Variants in SEMA4D observed in about 807,000 individuals in gnomAD.
SEMA4D encodes semaphorin-4D.
SEMA4D carries 22 observed loss-of-function variants against 74.8 expected under a neutral mutation model. That is an observed-to-expected ratio of 0.29 (90% CI 0.21 to 0.42). The LOEUF is 0.42. Ranked by LOEUF, SEMA4D falls within the 10% of genes least tolerant of loss-of-function variation. The pLI is 1.00. For missense variants in SEMA4D, 937 were observed against 1,118.4 expected, an observed-to-expected ratio of 0.84 and a Z score of 2.31; for synonymous variants, 445 against 463.7, an observed-to-expected ratio of 0.96 and a Z score of 0.52.
intron 2 of SEMA4D, among the ~76,000 whole-genome samples, chr9:89,454,084 A>C (rs1588016352): frequency 6.6e-6 from 1 of 152,052 alleles, no homozygotes; most frequent in Non-Finnish European, 1.5e-5. Context: ...GTCTCGATAG[A>C]ATATATGACT....
chr9:89,374,908 C>G (rs921557307), downstream of SEMA4D, among the ~76,000 whole-genome samples: 1 of 152,146 alleles, frequency 6.6e-6, no homozygotes, highest in African/African-American at 2.4e-5. Flanking sequence ...CAAAAATTAG[C>G]TGGGCATGGT....
chr9:89,467,919 G>C (rs1042226704), intron 1 of SEMA4D, among the ~76,000 whole-genome samples: 13 of 152,236 alleles, frequency 8.5e-5, no homozygotes, highest in African/African-American at 3.1e-4. Flanking sequence ...CAGGCTTGGA[G>C]AGCAGCCCTC....
intron 5 of SEMA4D, 88 bp downstream of exon 5, chr9:89,399,188 T>G (rs1381442906): frequency 1.8e-6 from 2 of 1,135,274 alleles, no homozygotes; most frequent in Admixed American, 1.7e-5. Flanking sequence ...AAGGCTGGCC[T>G]GCACTGCAGG....
intron 1 of SEMA4D, among the ~76,000 whole-genome samples, chr9:89,480,343 C>T (rs28764789): frequency 0.011 from 1,729 of 152,374 alleles, 36 homozygotes; most frequent in African/African-American, 0.04. Context: ...CTCAGGAGCC[C>T]AGCTGGTTTC....
chr9:89,385,607 T>TGAC (rs1006579796), intron 13 of SEMA4D: 18 of 979,430 alleles, frequency 1.8e-5, no homozygotes, highest in Non-Finnish European at 1.9e-5. Context: ...AGAGGGGAGG[T>TGAC]GACCACGTAA....
chr9:89,491,899 G>C (rs574970341), intron 1 of SEMA4D, among the ~76,000 whole-genome samples: 1 of 152,080 alleles, frequency 6.6e-6, no homozygotes, highest in Non-Finnish European at 1.5e-5. Flanking sequence ...AGCACACACC[G>C]AGAGTCAACA....
chr9:89,459,870 A>G (rs1856820649), intron 1 of SEMA4D, among the ~76,000 whole-genome samples: 1 of 152,198 alleles, frequency 6.6e-6, no homozygotes, highest in African/African-American at 2.4e-5. Flanking sequence ...CAGTTACTAA[A>G]TAACACACCC....
At chr9:89,449,073 GGA>G (rs1455301460) in intron 2 of SEMA4D, among the ~76,000 whole-genome samples, 1 of 152,132 alleles carries the variant, frequency 6.6e-6, no homozygotes, top group East Asian at 1.9e-4. Context: ...AGAAAACAAG[GGA>G]GACACAAGCC....
At chr9:89,372,946 T>A (rs1228670561), downstream of SEMA4D, among the ~76,000 whole-genome samples, 4 of 152,096 alleles carry the variant, frequency 2.6e-5, no homozygotes, top group Admixed American at 2.6e-4. Flanking sequence ...ATAATTCCAC[T>A]TCCTAGAGGC....
chr9:89,418,567 G>T, intron 2 of SEMA4D: 1 of 294,276 alleles, frequency 3.4e-6, no homozygotes, highest in Non-Finnish European at 5.0e-6. Context: ...CTAAAGAGCT[G>T]TTCATCTTCC....
intron 2 of SEMA4D, chr9:89,449,910 A>C (rs1853937605): frequency 6.9e-7 from 1 of 1,439,910 alleles, no homozygotes; most frequent in Admixed American, 1.7e-5. Context: ...GAATGGCTTC[A>C]TCACTAATGT....
rs1174908930 is a variant in SEMA4D, at chr9:89,378,052, T to A, written c.*652A>T. On this transcript the variant is annotated 3_prime_UTR_variant, in exon 16 of 16. Transcript: ENST00000422704. ...CATTTCTAAAAGCAGAAAGAATGCA[T>A]TTAGCAAAAGGAAGTTTATCCCTGA... 2 of 152,180 alleles carry A rather than the reference T, an allele frequency of 1.3e-5. No individual in the cohort carries two copies. The highest frequency in any genetic ancestry group is 4.8e-5 in the African/African-American group (2 of 41,302). The allele number at this position is 152,180 out of a possible 1,614,324, so 9.4% of individuals were successfully genotyped here.
At chr9:89,406,390 C>G (rs2133793949) in intron 2 of SEMA4D, among the ~76,000 whole-genome samples, 1 of 152,354 alleles carries the variant, frequency 6.6e-6, no homozygotes. Flanking sequence ...CAGTAAGAAA[C>G]AGCCCTTAGT....
chr9:89,430,417 T>A (rs1274580633), intron 2 of SEMA4D, among the ~76,000 whole-genome samples: 1 of 152,058 alleles, frequency 6.6e-6, no homozygotes, highest in African/African-American at 2.4e-5. Context: ...TAGGGGTGGC[T>A]ATTGTCCAGA....
intron 2 of SEMA4D, chr9:89,450,083 C>T (rs1236123069): frequency 3.9e-5 from 49 of 1,259,280 alleles, no homozygotes; most frequent in Non-Finnish European, 5.5e-5. Context: ...AAGTTGCCCA[C>T]TTATTTAACT....
In SEMA4D at chr9:89,414,313, G is replaced by C. The variant is rs372827843; in HGVS notation, c.-243-8614C>G. Among the ~76,000 whole-genome samples the C allele has an allele frequency of 1.2e-4, 18 of 152,344 alleles. No individual in the cohort carries two copies. The East Asian group carries it at 1.7e-3, about 15-fold the overall frequency. On this transcript the variant is annotated intron_variant, in intron 2 of 15. Coordinates refer to ENST00000422704, the MANE Select transcript of SEMA4D (RefSeq NM_001371194.2). The stretch of plus-strand genomic sequence containing the variant: ...ACTGCATGCAAACTACTGCCTGGGG[G>C]AGCGTGTTCTGGCTTATTTCTTATC...
chr9:89,384,751 G>T, intron 13 of SEMA4D: 9 of 985,402 alleles, frequency 9.1e-6, no homozygotes, highest in Non-Finnish European at 1.1e-5. Context: ...CAGGGGGAGG[G>T]CGTGGTACTG....
At chr9:89,474,919 G>T (rs1351475667) in intron 1 of SEMA4D, among the ~76,000 whole-genome samples, 1 of 152,234 alleles carries the variant, frequency 6.6e-6, no homozygotes, top group Non-Finnish European at 1.5e-5. Flanking sequence ...ACCCTGAAAA[G>T]TCCCAGAAAG....
chr9:89,370,808 G>T (rs556796069), intron 16 of SEMA4D, among the ~76,000 whole-genome samples: 1 of 145,580 alleles, frequency 6.9e-6, no homozygotes, highest in African/African-American at 2.6e-5. Flanking sequence ...GGTGTGGCAT[G>T]TGTGTGGGTG....
Sources: allele counts gnomAD v4.1 joint callset (sites outside exome capture counted in the v4.1 genomes callset), GRCh38; gene constraint gnomAD v4.1.1; transcripts MANE v1.5; gene names NCBI Gene and HGNC (gene_info 2026-07-23, HGNC 2026-07-21).